The following CACNA2D3 variants were observed in gnomAD, a reference collection of about 807,000 sequenced individuals.
CACNA2D3 encodes voltage-dependent calcium channel subunit alpha-2/delta-3.
CACNA2D3 carries 60 observed loss-of-function variants against 160.6 expected under a neutral mutation model. That is an observed-to-expected ratio of 0.37 (90% CI 0.30 to 0.46). The LOEUF is 0.46. CACNA2D3 is among the 20% of genes least tolerant of loss of function. The probability of loss-of-function intolerance (pLI) is 1.00; values close to 1 mark genes in which losing one functional copy is unlikely to be tolerated. For missense variants in CACNA2D3, 1,205 were observed against 1,365.0 expected (o/e 0.88, Z 1.85); for synonymous variants, 558 against 492.9 (o/e 1.13, Z -1.75).
intron 4 of CACNA2D3, among the ~76,000 whole-genome samples, chr3:54,413,231 T>G (rs1048597221): frequency 6.6e-6 from 1 of 151,564 alleles, no homozygotes; most frequent in Non-Finnish European, 1.5e-5. Flanking sequence ...TCTTCTGATC[T>G]TTAGTGTTTC....
intron 27 of CACNA2D3, among the ~76,000 whole-genome samples, chr3:54,938,770 AGTT>A (rs1280766165): frequency 6.6e-6 from 1 of 152,122 alleles, no homozygotes; most frequent in Admixed American, 6.5e-5. Flanking sequence ...ATGTTGAAAA[AGTT>A]GTTGTGGTCT....
At position 54,822,832 on chromosome 3, in the gene CACNA2D3, T is replaced by TTTCTTTCTTTC. The variant is rs1553874401; in HGVS notation, c.1398+5964_1398+5965insCTTTCTTTCTT. ...CTTTCTTTCTTTCTTTCTTTCTTTC[T>TTTCTTTCTTTC]TTTCTTTCTTTCTTTCTTTCTTTCT... is the stretch of plus-strand genomic sequence containing the variant. On this transcript the variant is annotated intron_variant, in intron 14 of 37. Coordinates refer to ENST00000474759, the MANE Select transcript of CACNA2D3 (RefSeq NM_018398.3). Among the ~76,000 whole-genome samples the TTTCTTTCTTTC allele has an allele frequency of 3.0e-3, 173 of 57,986 alleles. 11 individuals are homozygous for TTTCTTTCTTTC. The highest frequency in any genetic ancestry group is 0.011 in the African/African-American group (130 of 11,480). 38.0% of individuals were successfully genotyped at this position (57,986 alleles called of 152,430 possible).
intron 9 of CACNA2D3, among the ~76,000 whole-genome samples, chr3:54,594,956 C>T (rs1575368225): frequency 6.6e-6 from 1 of 152,192 alleles, no homozygotes; most frequent in Non-Finnish European, 1.5e-5. Flanking sequence ...AAATACTATC[C>T]TATTATCTTC....
chr3:54,577,893 A>T (rs1702612270), intron 8 of CACNA2D3, among the ~76,000 whole-genome samples: 2 of 152,214 alleles, frequency 1.3e-5, no homozygotes, highest in Admixed American at 6.5e-5. Flanking sequence ...AGAAAAGGAA[A>T]GCCAACCAGG....
At chr3:54,786,119 T>C (rs13062287) in intron 13 of CACNA2D3, among the ~76,000 whole-genome samples, 14,216 of 152,272 alleles carry the variant, frequency 0.093, 902 homozygotes, top group Middle Eastern at 0.17. Flanking sequence ...GACCACCTAT[T>C]ACTCTCTCAT....
At chr3:54,811,456 C>T (rs936623903) in intron 13 of CACNA2D3, among the ~76,000 whole-genome samples, 97 of 136,008 alleles carry the variant, frequency 7.1e-4, no homozygotes, top group Middle Eastern at 4.7e-3. Flanking sequence ...ATCCTGTTCT[C>T]CCTCAGTTCT....
intron 21 of CACNA2D3, among the ~76,000 whole-genome samples, chr3:54,882,745 G>A (rs3773595): frequency 0.065 from 9,965 of 152,176 alleles, 912 homozygotes; most frequent in African/African-American, 0.2. Flanking sequence ...TCTAGGAGCC[G>A]TGGTGTATTA....
At chr3:54,678,995 A>G (rs1439355573) in intron 11 of CACNA2D3, among the ~76,000 whole-genome samples, 2 of 152,166 alleles carry the variant, frequency 1.3e-5, no homozygotes, top group African/African-American at 2.4e-5. Context: ...GGCAGAAGGA[A>G]GGATTAAAGA....
In CACNA2D3 at chr3:55,021,679, GTATA is replaced by G. The variant is rs3836389; in HGVS notation, c.2987+3372_2987+3375del. Among the ~76,000 whole-genome samples, 88 of 141,912 alleles carry G rather than the reference GTATA, an allele frequency of 6.2e-4. 1 individual carries two copies. In the Middle Eastern group the frequency reaches 0.011, roughly 18 times the overall value. The allele number at this position is 141,912 out of a possible 152,430, so 93.1% of individuals were successfully genotyped here. On this transcript the variant is annotated intron_variant, in intron 35 of 37. Coordinates refer to ENST00000474759, the MANE Select transcript of CACNA2D3 (RefSeq NM_018398.3). ...TATATGTGTGTGTATATATATATGT[GTATA>G]TATATATATGTGTGTATATATATAT...
At chr3:54,718,008 T>A (rs1701095937) in intron 11 of CACNA2D3, among the ~76,000 whole-genome samples, 1 of 152,188 alleles carries the variant, frequency 6.6e-6, no homozygotes, top group South Asian at 2.1e-4. Context: ...ATACAGATAT[T>A]TATTTGTATA....
At chr3:54,358,620 C>T (rs987033678) in intron 3 of CACNA2D3, among the ~76,000 whole-genome samples, 6 of 152,226 alleles carry the variant, frequency 3.9e-5, no homozygotes, top group Non-Finnish European at 7.3e-5. Context: ...GGGGAGCTGC[C>T]TGGGCAAGGC....
intron 34 of CACNA2D3, among the ~76,000 whole-genome samples, chr3:55,011,625 T>C (rs1348443013): frequency 6.6e-6 from 1 of 152,008 alleles, no homozygotes; most frequent in African/African-American, 2.4e-5. Context: ...CAAAACCGTA[T>C]ATACACAAAA....
intron 3 of CACNA2D3, among the ~76,000 whole-genome samples, chr3:54,365,426 G>A (rs1318765761): frequency 6.6e-6 from 1 of 152,188 alleles, no homozygotes; most frequent in Admixed American, 6.5e-5. Context: ...CAAATGTGTG[G>A]AATGCGTGAT....
intron 6 of CACNA2D3, among the ~76,000 whole-genome samples, chr3:54,567,249 A>C (rs554550959): frequency 6.6e-6 from 1 of 152,224 alleles, no homozygotes; most frequent in Non-Finnish European, 1.5e-5. Context: ...CTTGACTCAC[A>C]TTAGAAGCCA....
intron 13 of CACNA2D3, among the ~76,000 whole-genome samples, chr3:54,815,318 C>T (rs974224399): frequency 6.6e-6 from 1 of 152,120 alleles, no homozygotes; most frequent in African/African-American, 2.4e-5. Flanking sequence ...TAGACATTCT[C>T]AATACCATTT....
intron 4 of CACNA2D3, among the ~76,000 whole-genome samples, chr3:54,410,531 G>A (rs994807040): frequency 2.0e-5 from 3 of 152,036 alleles, no homozygotes; most frequent in African/African-American, 7.2e-5. Flanking sequence ...TCTACCATAC[G>A]TGTGCTCTAT....
intron 25 of CACNA2D3, among the ~76,000 whole-genome samples, chr3:54,894,127 C>G (rs1700131331): frequency 6.6e-6 from 1 of 152,152 alleles, no homozygotes; most frequent in Non-Finnish European, 1.5e-5. Flanking sequence ...AGAATCTAGA[C>G]CAGCCTGACA....
chr3:54,986,254 T>C (rs1251240795), intron 30 of CACNA2D3, among the ~76,000 whole-genome samples: 1 of 152,132 alleles, frequency 6.6e-6, no homozygotes. Context: ...TGAGCAGCCA[T>C]GGCCACTACA....
chr3:54,889,883 A>G (rs1700016629), intron 24 of CACNA2D3, among the ~76,000 whole-genome samples: 1 of 152,160 alleles, frequency 6.6e-6, no homozygotes, highest in African/African-American at 2.4e-5. Flanking sequence ...AAGGTTGCTG[A>G]TTCATTCCTA....
Sources: gnomAD v4.1 joint callset for allele counts (sites outside exome capture counted in the v4.1 genomes callset) on GRCh38, gnomAD v4.1.1 for gene constraint, MANE v1.5 for transcripts, NCBI Gene and HGNC (gene_info 2026-07-23, HGNC 2026-07-21) for gene names.